Variants in NOD1 observed in about 807,000 individuals in gnomAD.
NOD1 encodes nucleotide-binding oligomerization domain-containing protein 1.
NOD1 carries 70 observed loss-of-function variants against 81.2 expected under a neutral mutation model. That is an observed-to-expected ratio of 0.86 (90% CI 0.71 to 1.05). NOD1 has a LOEUF of 1.05. Among genes scored for constraint, NOD1 ranks in the 50% least tolerant of loss-of-function variants. The pLI is 0.00. For synonymous variants in NOD1, 508 were observed against 526.9 expected (o/e 0.96, Z 0.49); for missense variants, 1,233 against 1,228.0 (o/e 1.00, Z -0.06).
At chr7:30,468,885 T>C (rs1039274691) in intron 1 of NOD1, 5 of 985,294 alleles carry the variant, frequency 5.1e-6, no homozygotes, top group Middle Eastern at 5.2e-4. Flanking sequence ...CATGAACTGC[T>C]TGGATGTTCA....
intron 6 of NOD1, among the ~76,000 whole-genome samples, chr7:30,449,893 T>C (rs563628755): frequency 2.6e-5 from 4 of 152,220 alleles, no homozygotes; most frequent in Admixed American, 2.0e-4. Context: ...AGTTTCCCAT[T>C]GAAAAGATGG....
chr7:30,460,234 C>A, intron 1 of NOD1, 193 bp from the exon 2 acceptor site: 1 of 985,316 alleles, frequency 1.0e-6, no homozygotes, highest in Non-Finnish European at 1.2e-6. Context: ...TAAGGGTAGA[C>A]CAAAACCATA....
chr7:30,462,109 G>A (rs1464744089), intron 1 of NOD1, among the ~76,000 whole-genome samples: 2 of 152,198 alleles, frequency 1.3e-5, no homozygotes, highest in Non-Finnish European at 2.9e-5. Context: ...AAAGACGTGA[G>A]GTCACTGAAA....
At chr7:30,457,530 G>A (rs1053956950) in intron 3 of NOD1, among the ~76,000 whole-genome samples, 1 of 152,018 alleles carries the variant, frequency 6.6e-6, no homozygotes, top group African/African-American at 2.4e-5. Context: ...ACATCTCTAG[G>A]GTAGGTGACC....
intron 1 of NOD1, among the ~76,000 whole-genome samples, chr7:30,468,421 T>C (rs1407826610): frequency 2.0e-5 from 3 of 152,246 alleles, no homozygotes; most frequent in African/African-American, 7.2e-5. Context: ...TGGTTATTAT[T>C]ACCAAGGAAA....
In NOD1 at chr7:30,452,096, G is replaced by A. The variant is rs568596158; in HGVS notation, c.1321C>T (p.Leu441=). ...GGGCTGCGTGTGTTCCGCTGCACCAGGCTGCTGGGCTGCATCCTGTTCAGA... is the reference window on the plus strand; with the variant it reads ...GGGCTGCGTGTGTTCCGCTGCACCAAGCTGCTGGGCTGCATCCTGTTCAGA... ...VHLNRMQPSS[L]VQRNTRSPVE... is the part of the protein sequence containing the mutation. The change falls in exon 6 of 14, where the codon CTG becomes TTG. Residue 441 remains leucine (L), a synonymous_variant. Coordinates refer to ENST00000222823, the MANE Select transcript of NOD1 (RefSeq NM_006092.4). 24 of 1,613,756 alleles carry A rather than the reference G, an allele frequency of 1.5e-5. No homozygotes were observed. The South Asian group carries it at 2.5e-4, about 17-fold the overall frequency.
At chr7:30,469,264 A>ATTATTGGAAGCTTTTTAACTCCATTG in intron 1 of NOD1, 1 of 983,826 alleles carries the variant, frequency 1.0e-6, no homozygotes, top group Non-Finnish European at 1.2e-6. Flanking sequence ...AGCTACAATT[A>ATTATTGGAAGCTTTTTAACTCCATTG]TTATTGGAAG....
chr7:30,477,915 C>T (rs1198319793), intron 1 of NOD1, among the ~76,000 whole-genome samples: 1 of 152,136 alleles, frequency 6.6e-6, no homozygotes, highest in Non-Finnish European at 1.5e-5. Context: ...CACCAACAAC[C>T]GAAATGTTTC....
rs758047294 is a variant in NOD1, at chr7:30,446,235, A to G, written c.2370-11T>C. 22 of 1,603,296 alleles carry G rather than the reference A, an allele frequency of 1.4e-5. No homozygotes were observed. The highest frequency in any genetic ancestry group is 1.8e-5 in the Non-Finnish European group (21 of 1,170,372). The stretch of plus-strand genomic sequence containing the variant: ...TTGTTTTTTCCCAGTCTGCAGAGAG[A>G]GTCACACACAGTCAGCCTCCAGCTA... On this transcript the variant is annotated splice_polypyrimidine_tract_variant and intron_variant, in intron 8 of 13. Coordinates refer to ENST00000222823, the MANE Select transcript of NOD1 (RefSeq NM_006092.4).
At chr7:30,472,323 G>A (rs752245607) in intron 1 of NOD1, among the ~76,000 whole-genome samples, 1 of 152,084 alleles carries the variant, frequency 6.6e-6, no homozygotes, top group Non-Finnish European at 1.5e-5. Flanking sequence ...TCACCTCTGG[G>A]TCTTTGAACC....
chr7:30,450,581 C>A (rs1785587640), intron 6 of NOD1, among the ~76,000 whole-genome samples: 1 of 152,224 alleles, frequency 6.6e-6, no homozygotes, highest in Non-Finnish European at 1.5e-5. Flanking sequence ...TAACTGAGGT[C>A]TCTAGCAGTG....
intron 11 of NOD1, among the ~76,000 whole-genome samples, chr7:30,434,318 T>C (rs181291548): frequency 1.7e-3 from 260 of 152,304 alleles, no homozygotes; most frequent in Non-Finnish European, 2.8e-3. Context: ...GGTGTTGACA[T>C]TACTACTATC....
intron 9 of NOD1, among the ~76,000 whole-genome samples, 177 bp downstream of exon 9, chr7:30,445,964 T>G (rs1583713723): frequency 6.6e-6 from 1 of 150,932 alleles, no homozygotes; most frequent in Non-Finnish European, 1.5e-5. Context: ...GACCGGGGAG[T>G]TATTGCTTAA....
At chr7:30,477,451 T>G (rs1192131798) in intron 1 of NOD1, among the ~76,000 whole-genome samples, 1 of 152,198 alleles carries the variant, frequency 6.6e-6, no homozygotes, top group Non-Finnish European at 1.5e-5. Context: ...ACAGGGGCTT[T>G]GAGGGAGAAC....
chr7:30,460,713 G>C (rs1191083079), intron 1 of NOD1: 6 of 982,342 alleles, frequency 6.1e-6, no homozygotes, highest in African/African-American at 1.7e-5. Flanking sequence ...CCTGTGGGCA[G>C]TGAGGGAGCC....
intron 1 of NOD1, chr7:30,464,055 T>C (rs1787431855): frequency 1.3e-5 from 2 of 152,224 alleles, no homozygotes; most frequent in Admixed American, 6.5e-5. Flanking sequence ...TCTGGATGAC[T>C]TGGCTTCTAG....
At position 30,459,931 on chromosome 7, in the gene NOD1, C is replaced by G. The variant is rs536315702; in HGVS notation, c.-241G>C. On this transcript the variant is annotated 5_prime_UTR_variant, in exon 2 of 14. The change abolishes an upstream ATG in the 5' untranslated region. Transcript: ENST00000222823. ...CTGTCTCTTCCAAGCCTGCGATTCC[C>G]ATAAAAACAGCAACTTGTCTTCCCA... The G allele has an allele frequency of 6.5e-6, 1 of 152,840 alleles. No individual in the cohort carries two copies. Among genetic ancestry groups the G allele is most frequent in the Non-Finnish European group, 1.5e-5 (1 of 68,092 alleles). The allele number at this position is 152,840 out of a possible 1,614,324, so 9.5% of individuals were successfully genotyped here. A position where few individuals can be genotyped will look rare whatever the true frequency, so the allele number is the denominator to read the frequency against.
At chr7:30,433,883 A>C (rs1784161352) in intron 11 of NOD1, among the ~76,000 whole-genome samples, 1 of 152,262 alleles carries the variant, frequency 6.6e-6, no homozygotes, top group Non-Finnish European at 1.5e-5. Flanking sequence ...ATTTTAAGAC[A>C]ATCAGACTTC....
chr7:30,453,063 C>G (rs755702837), intron 5 of NOD1, 23 bp from the exon 6 acceptor site: 21 of 1,585,338 alleles, frequency 1.3e-5, no homozygotes, highest in Non-Finnish European at 1.7e-5. Context: ...GGTGGCAGGG[C>G]ACAGCAGCAG....
Sources: allele counts gnomAD v4.1 joint callset (sites outside exome capture counted in the v4.1 genomes callset), GRCh38; gene constraint gnomAD v4.1.1; transcripts MANE v1.5; gene names NCBI Gene and HGNC (gene_info 2026-07-23, HGNC 2026-07-21).